BAHCC1: variants seen among roughly 807,000 people sequenced by gnomAD.
The protein encoded by BAHCC1 is BAH and coiled-coil domain-containing protein 1.
A neutral mutation model predicts 88.2 loss-of-function variants in BAHCC1; 43 were observed. The observed-to-expected ratio is 0.49, with a 90% CI of 0.38 to 0.63. The LOEUF (loss-of-function observed/expected upper bound fraction) is 0.63, where lower values mean the gene tolerates loss of function less well. Among genes scored for constraint, BAHCC1 ranks in the 20% least tolerant of loss-of-function variants. The probability of loss-of-function intolerance (pLI) is 0.00; values close to 1 mark genes in which losing one functional copy is unlikely to be tolerated. For synonymous variants in BAHCC1, 1,510 were observed against 745.5 expected, an observed-to-expected ratio of 2.03 and a Z score of -16.71; for missense variants, 3,023 against 1,654.8, an observed-to-expected ratio of 1.83 and a Z score of -14.34.
Position 81,411,708 on chromosome 17 carries a change from C to A in BAHCC1, c.178+11791C>A. On this transcript the variant is annotated intron_variant, in intron 2 of 27. Transcript: ENST00000675386. This position sits in a 1 kb window ranked among gnomAD's most constrained non-coding sequence, Gnocchi z 6.2. Reference sequence around the variant, plus strand: ...AGCTCCCCTTCCACTCTGCCCAGCCCACCCTGCCAGGGAGGCCTCAGCATA... The same window carrying A: ...AGCTCCCCTTCCACTCTGCCCAGCCAACCCTGCCAGGGAGGCCTCAGCATA... The A allele has an allele frequency of 3.2e-6, 1 of 313,926 alleles. No individual in the cohort carries two copies. The highest frequency in any genetic ancestry group is 1.0e-4 in the East Asian group (1 of 9,638). The allele number at this position is 313,926 out of a possible 1,614,324, so 19.4% of individuals were successfully genotyped here.
chr17:81,430,596 G>T (rs1193285918), intron 3 of BAHCC1, among the ~76,000 whole-genome samples: 1 of 152,222 alleles, frequency 6.6e-6, no homozygotes, highest in Admixed American at 6.5e-5. Flanking sequence ...ACTCGCTGGT[G>T]CTGCTGGGAG....
intron 2 of BAHCC1, among the ~76,000 whole-genome samples, chr17:81,425,797 G>A (rs1362071546): frequency 7.0e-6 from 1 of 141,932 alleles, no homozygotes; most frequent in Non-Finnish European, 1.5e-5. Context: ...GGTTGAGGGT[G>A]ATGGTGGGTC....
intron 11 of BAHCC1, among the ~76,000 whole-genome samples, chr17:81,448,898 C>T (rs1349541805): frequency 1.3e-5 from 2 of 152,140 alleles, no homozygotes; most frequent in Non-Finnish European, 2.9e-5. Flanking sequence ...CTCCCTTGGG[C>T]CTCCAGCTGG....
At chr17:81,440,762 C>T (rs551344048) in intron 4 of BAHCC1, among the ~76,000 whole-genome samples, 8 of 152,326 alleles carry the variant, frequency 5.3e-5, no homozygotes, top group African/African-American at 1.7e-4. Flanking sequence ...CACTCACCCC[C>T]CACCAGGCAG....
At chr17:81,432,153 C>A (rs1301770457) in intron 3 of BAHCC1, among the ~76,000 whole-genome samples, 1 of 152,194 alleles carries the variant, frequency 6.6e-6, no homozygotes, top group East Asian at 1.9e-4. Context: ...CCTCCCGTGT[C>A]CTGCAGCGGC....
In BAHCC1 at chr17:81,399,471, G is replaced by A; in HGVS notation, c.-206-63G>A. The A allele has an allele frequency of 5.0e-6, 1 of 199,086 alleles. No homozygotes were observed. The highest frequency in any genetic ancestry group is 1.1e-5 in the Non-Finnish European group (1 of 90,884). 12.3% of individuals were successfully genotyped at this position (199,086 alleles called of 1,614,324 possible). On this transcript the variant is annotated intron_variant, in intron 1 of 27. Coordinates refer to ENST00000675386, the MANE Select transcript of BAHCC1 (RefSeq NM_001377448.1). The surrounding 1 kb of genome is among the most constrained non-coding windows in gnomAD (Gnocchi z 4.5). Reference sequence around the variant, plus strand: ...GGGGGAGTGGGTGAGCGGGCGGGGCGGGGACCCCCGGGCGAGCCGAGCCCC... The same window carrying A: ...GGGGGAGTGGGTGAGCGGGCGGGGCAGGGACCCCCGGGCGAGCCGAGCCCC...
chr17:81,405,402 G>A (rs577398973), intron 2 of BAHCC1, among the ~76,000 whole-genome samples: 2 of 152,226 alleles, frequency 1.3e-5, no homozygotes, highest in East Asian at 1.9e-4. Context: ...TTTATATATA[G>A]CCACTTCCCA....
Position 81,435,416 on chromosome 17 carries a change from G to T in BAHCC1, c.359-2954G>T. 1 of 468,816 alleles carries T rather than the reference G, an allele frequency of 2.1e-6. No homozygotes were observed. The allele number at this position is 468,816 out of a possible 1,614,324, so 29.0% of individuals were successfully genotyped here. On this transcript the variant is annotated intron_variant, in intron 3 of 27. Coordinates refer to ENST00000675386, the MANE Select transcript of BAHCC1 (RefSeq NM_001377448.1). This position sits in a 1 kb window ranked among gnomAD's most constrained non-coding sequence, Gnocchi z 4.4. ...CTCGGTGCGACCCCCACTGCCCCCA[G>T]GGCTCTTCCCCACGCTCCACCAGGC...
intron 2 of BAHCC1, among the ~76,000 whole-genome samples, chr17:81,408,441 A>T (rs1486999616): frequency 1.1e-5 from 1 of 88,420 alleles, no homozygotes; most frequent in Non-Finnish European, 2.1e-5. Context: ...AGCTGCCCTC[A>T]GTACCGTCTC....
In BAHCC1 at chr17:81,458,380, G is replaced by A. The variant is rs782553150; in HGVS notation, c.5257G>A (p.Ala1753Thr). Residue 1753 changes from alanine (A) to threonine (T), a missense_variant, in exon 18 of 28, where the codon GCC becomes ACC. Physicochemically the swap from Ala to Thr is moderately conservative, Grantham distance 58 (BLOSUM62 0). Transcript: ENST00000675386. ...CCTCTTCAACCCCTCTCGGGCCTTC[G>A]CCTGCCGTGAGGAGGGCAGCCAGCT... ...DALFNPSRAF[A>T]CREEGSQLAS... 10 of 716,604 alleles carry A rather than the reference G, an allele frequency of 1.4e-5. No homozygotes were observed. The highest frequency in any genetic ancestry group is 7.9e-5 in the East Asian group (3 of 37,976). The allele number at this position is 716,604 out of a possible 1,614,324, so 44.4% of individuals were successfully genotyped here.
Position 81,399,985 on chromosome 17 carries a change from C to A in BAHCC1, c.178+68C>A. ...GAGCGGAACAGGGCGCCCACCCCTC[C>A]GCTCCCGGGAGCAGAGAAGCTTTGG... On this transcript the variant is annotated intron_variant, in intron 2 of 27. Coordinates refer to ENST00000675386, the MANE Select transcript of BAHCC1 (RefSeq NM_001377448.1). The surrounding 1 kb of genome is among the most constrained non-coding windows in gnomAD (Gnocchi z 4.5). The A allele has an allele frequency of 8.3e-7, 1 of 1,203,800 alleles. No individual in the cohort carries two copies. Among genetic ancestry groups the A allele is most frequent in the South Asian group, 2.5e-5 (1 of 40,650 alleles). 74.6% of individuals were successfully genotyped at this position (1,203,800 alleles called of 1,614,324 possible). A position where few individuals can be genotyped will look rare whatever the true frequency, so the allele number is the denominator to read the frequency against.
chr17:81,420,448 G>A (rs1267143939), intron 2 of BAHCC1, among the ~76,000 whole-genome samples: 1 of 152,240 alleles, frequency 6.6e-6, no homozygotes, highest in African/African-American at 2.4e-5. Flanking sequence ...GGGACAGCAG[G>A]TCCAGGCACA....
chr17:81,428,184 G>T (rs2064222177), intron 3 of BAHCC1, among the ~76,000 whole-genome samples: 1 of 152,170 alleles, frequency 6.6e-6, no homozygotes, highest in Admixed American at 6.5e-5. Context: ...ACTACTAGCG[G>T]CCTCCTGGAG....
At chr17:81,401,903 T>G (rs2143183864) in intron 2 of BAHCC1, 2 of 152,540 alleles carry the variant, frequency 1.3e-5, no homozygotes, top group South Asian at 4.1e-4. Flanking sequence ...TGCCCTTACT[T>G]CCAGGTCTAG....
At position 81,447,057 on chromosome 17, in the gene BAHCC1, G is replaced by C. The variant is rs140605765; in HGVS notation, c.3185G>C (p.Arg1062Pro). 5.1e-6 allele frequency: 4 copies of C among 779,076 alleles called. No homozygotes were observed. The highest frequency in any genetic ancestry group is 9.6e-6 in the Non-Finnish European group (4 of 417,914). The allele number at this position is 779,076 out of a possible 1,614,324, so 48.3% of individuals were successfully genotyped here. The part of the protein sequence containing the change: ...SEPDLPPGYL[R>P]PMAGLGFSLP... ...GCAGACCTGCCTCCCGGATACCTGC[G>C]CCCCATGGCTGGCCTGGGCTTCTCC... Residue 1062 changes from arginine (R) to proline (P), a missense_variant, in exon 11 of 28, where the codon CGC becomes CCC. Physicochemically the swap from Arg to Pro is moderately radical, Grantham distance 103 (BLOSUM62 -2). Coordinates refer to ENST00000675386, the MANE Select transcript of BAHCC1 (RefSeq NM_001377448.1).
intron 2 of BAHCC1, among the ~76,000 whole-genome samples, chr17:81,403,916 C>T (rs1555646480): frequency 6.6e-6 from 1 of 152,252 alleles, no homozygotes; most frequent in Non-Finnish European, 1.5e-5. Flanking sequence ...GTGCTGCCAC[C>T]ACGTCTGATT....
At chr17:81,425,285 T>G in intron 2 of BAHCC1, among the ~76,000 whole-genome samples, 1 of 34,386 alleles carries the variant, frequency 2.9e-5, no homozygotes, top group African/African-American at 1.3e-4. Flanking sequence ...GTGGTGGGTG[T>G]GTAGTTGGGG....
intron 2 of BAHCC1, among the ~76,000 whole-genome samples, chr17:81,409,345 TG>T (rs11327965): frequency 0.4 from 61,242 of 151,876 alleles, 13,138 homozygotes; most frequent in East Asian, 0.54. Flanking sequence ...GAGACAGAAG[TG>T]GGGGTGGGGC....
rs982619698 is a variant in BAHCC1, at chr17:81,455,308, G to A, written c.4487G>A (p.Arg1496Gln). The part of the protein sequence containing the change: ...TSLGLLCAEL[R>Q]GGSGGEPAKK... ...CTGGGTCTGCTGTGTGCGGAGCTGC[G>A]AGGAGGCAGTGGGGGCGAGCCTGCG... The change falls in exon 15 of 28, where the codon CGA becomes CAA. Residue 1496 changes from arginine to glutamine, a missense_variant. Transcript: ENST00000675386. 1.3e-5 allele frequency: 9 copies of A among 717,232 alleles called. No individual in the cohort carries two copies. Among genetic ancestry groups the A allele is most frequent in the East Asian group, 5.3e-5 (2 of 37,410 alleles). The allele number at this position is 717,232 out of a possible 1,614,324, so 44.4% of individuals were successfully genotyped here.
Sources: allele counts gnomAD v4.1 joint callset (sites outside exome capture counted in the v4.1 genomes callset), GRCh38; gene constraint gnomAD v4.1.1; non-coding constraint Gnocchi (gnomAD v3.1); transcripts MANE v1.5; gene names NCBI Gene and HGNC (gene_info 2026-07-23, HGNC 2026-07-21).